Variants in NRG1 observed in about 807,000 individuals in gnomAD.
NRG1 encodes neuregulin 1, also known as pro-neuregulin-1, membrane-bound isoform.
A neutral mutation model predicts 63.8 loss-of-function variants in NRG1; 18 were observed. That is an observed-to-expected ratio of 0.28 (90% CI 0.19 to 0.42). The LOEUF (loss-of-function observed/expected upper bound fraction) is 0.42. Among genes scored for constraint, NRG1 ranks in the 10% least tolerant of loss-of-function variants. The probability of loss-of-function intolerance (pLI) is 1.00; values close to 1 mark genes in which losing one functional copy is unlikely to be tolerated. For synonymous variants in NRG1, 302 were observed against 301.3 expected (o/e 1.00, Z -0.02); for missense variants, 762 against 814.7 (o/e 0.94, Z 0.79).
At chr8:31,787,313 A>G (rs1367749268) in intron 1 of NRG1, among the ~76,000 whole-genome samples, 1 of 152,244 alleles carries the variant, frequency 6.6e-6, no homozygotes, top group Non-Finnish European at 1.5e-5. Context: ...TATTACAGCC[A>G]AATGACTTGC....
intron 1 of NRG1, among the ~76,000 whole-genome samples, chr8:32,452,141 G>C (rs773341694): frequency 6.6e-6 from 1 of 152,000 alleles, no homozygotes; most frequent in Non-Finnish European, 1.5e-5. Flanking sequence ...ACTTCCTTCT[G>C]ATCAAGTCAT....
At chr8:32,108,206 C>T (rs1831528533) in intron 1 of NRG1, among the ~76,000 whole-genome samples, 1 of 152,160 alleles carries the variant, frequency 6.6e-6, no homozygotes, top group Non-Finnish European at 1.5e-5. Context: ...GGGCAATTAA[C>T]ATTGCAGGTA....
chr8:32,589,145 AT>A (rs1164270285), intron 1 of NRG1, among the ~76,000 whole-genome samples: 10 of 152,230 alleles, frequency 6.6e-5, no homozygotes, highest in South Asian at 2.1e-4. Flanking sequence ...TACACATTTG[AT>A]AAGACAAACT....
At chr8:32,636,493 A>G (rs1851362959) in intron 5 of NRG1, among the ~76,000 whole-genome samples, 1 of 152,172 alleles carries the variant, frequency 6.6e-6, no homozygotes, top group Non-Finnish European at 1.5e-5. Flanking sequence ...TGACCAGTTG[A>G]CCACTGGAAA....
chr8:32,287,099 A>C lies in NRG1; in HGVS notation c.38-308729A>C. On this transcript the variant is annotated intron_variant, in intron 1 of 10. Transcript: ENST00000519301. ...TTTTCTTTATAAATTGCCCTGCCAC[A>C]GGTATTTCTTCATAACAACGCAAAT... The C allele has an allele frequency of 1.3e-5, 2 of 152,402 alleles. 1 individual carries two copies. Among genetic ancestry groups the C allele is most frequent in the South Asian group, 4.1e-4 (2 of 4,832 alleles). The allele number at this position is 152,402 out of a possible 1,614,324, so 9.4% of individuals were successfully genotyped here.
chr8:31,794,332 T>C (rs13276063), intron 1 of NRG1, among the ~76,000 whole-genome samples: 7,535 of 152,084 alleles, frequency 0.05, 253 homozygotes, highest in Admixed American at 0.11. Context: ...ACGGGCTATT[T>C]CAATTCAGTT....
At chr8:31,856,896 C>T (rs536480600) in intron 1 of NRG1, among the ~76,000 whole-genome samples, 1 of 152,290 alleles carries the variant, frequency 6.6e-6, no homozygotes, top group South Asian at 2.1e-4. Context: ...TCTGCCCCTG[C>T]TGGGGGATGC....
At chr8:32,202,882 A>T (rs539334793) in intron 1 of NRG1, among the ~76,000 whole-genome samples, 6 of 151,580 alleles carry the variant, frequency 4.0e-5, no homozygotes, top group African/African-American at 1.5e-4. Context: ...GCAGTGGGTC[A>T]AAAGGCAACA....
intron 1 of NRG1, among the ~76,000 whole-genome samples, chr8:32,515,355 A>G (rs1829708528): frequency 6.6e-6 from 1 of 152,062 alleles, no homozygotes; most frequent in African/African-American, 2.4e-5. Context: ...TTTGATGATT[A>G]GTGATGTTGA....
At chr8:32,405,819 T>C (rs1448748868) in intron 1 of NRG1, among the ~76,000 whole-genome samples, 1 of 149,276 alleles carries the variant, frequency 6.7e-6, no homozygotes. Context: ...ACATATTTTA[T>C]ATGTTTTCAT....
At chr8:32,566,119 C>A (rs1396395726) in intron 1 of NRG1, among the ~76,000 whole-genome samples, 13 of 151,908 alleles carry the variant, frequency 8.6e-5, no homozygotes, top group Admixed American at 3.3e-4. Flanking sequence ...TTTGGGAGGC[C>A]AAGGAGACGG....
chr8:31,705,073 G>T (rs2131213994), intron 1 of NRG1, among the ~76,000 whole-genome samples: 1 of 152,068 alleles, frequency 6.6e-6, no homozygotes, highest in Non-Finnish European at 1.5e-5. Context: ...GTCTCTGTCT[G>T]TTGCCAGGCT....
At chr8:31,912,067 G>A (rs884530) in intron 1 of NRG1, among the ~76,000 whole-genome samples, 30,456 of 152,070 alleles carry the variant, frequency 0.2, 4,358 homozygotes, top group African/African-American at 0.4. Context: ...GACTTGTTGT[G>A]AGTGTTAAAA....
intron 1 of NRG1, among the ~76,000 whole-genome samples, chr8:31,696,008 A>C (rs1025849115): frequency 1.5e-5 from 2 of 134,972 alleles, no homozygotes; most frequent in African/African-American, 7.9e-5. Flanking sequence ...TTTAAGGATT[A>C]AAAGATAATG....
chr8:32,152,328 C>T (rs1283882088), intron 1 of NRG1, among the ~76,000 whole-genome samples: 1 of 152,224 alleles, frequency 6.6e-6, no homozygotes, highest in East Asian at 1.9e-4. Context: ...CCAAGTTTAA[C>T]TTTTATTTTT....
intron 1 of NRG1, among the ~76,000 whole-genome samples, chr8:32,226,537 A>T (rs1006819493): frequency 6.6e-6 from 1 of 152,186 alleles, no homozygotes; most frequent in African/African-American, 2.4e-5. Flanking sequence ...TTAGAAAAAA[A>T]AATTCTGGTT....
intron 1 of NRG1, among the ~76,000 whole-genome samples, chr8:32,347,769 C>G (rs1389700941): frequency 3.3e-5 from 5 of 152,134 alleles, no homozygotes; most frequent in Non-Finnish European, 7.4e-5. Context: ...AAAACAGTGT[C>G]TGAAAGATTT....
At chr8:32,415,720 C>T (rs1238586025) in intron 1 of NRG1, among the ~76,000 whole-genome samples, 2 of 152,110 alleles carry the variant, frequency 1.3e-5, no homozygotes, top group African/African-American at 4.8e-5. Context: ...CTTTTTCCCC[C>T]TTTAACTCTC....
intron 1 of NRG1, among the ~76,000 whole-genome samples, chr8:32,230,897 C>T (rs1846859697): frequency 6.6e-6 from 1 of 152,090 alleles, no homozygotes; most frequent in Non-Finnish European, 1.5e-5. Context: ...CCTCTTTTAG[C>T]TATTTGAAAA....
Sources: allele counts gnomAD v4.1 joint callset (sites outside exome capture counted in the v4.1 genomes callset), GRCh38; gene constraint gnomAD v4.1.1; transcripts MANE v1.5; gene names NCBI Gene and HGNC (gene_info 2026-07-23, HGNC 2026-07-21).